THOC2: variants seen among roughly 807,000 people sequenced by gnomAD.
THOC2 encodes THO complex 2.
A neutral mutation model predicts 128.4 loss-of-function variants in THOC2; 10 were observed. The ratio of observed to expected loss-of-function variants is 0.08; its 90% confidence interval spans 0.05 to 0.13. The LOEUF is 0.13. Among genes scored for constraint, THOC2 ranks in the 10% least tolerant of loss-of-function variants. The pLI is 1.00. For missense variants in THOC2, 535 were observed against 1,155.7 expected, an observed-to-expected ratio of 0.46 and a Z score of 7.79; for synonymous variants, 393 against 396.9, an observed-to-expected ratio of 0.99 and a Z score of 0.12.
rs774877149 is a variant in THOC2, at chrX:123,703,890, TAAAAAA to T, written c.223-391_223-386del. On this transcript the variant is annotated intron_variant, in intron 3 of 38. Coordinates refer to ENST00000245838, the MANE Select transcript of THOC2 (RefSeq NM_001081550.2). ...TGGGCAACAGAGGAAACTCTGTCTT[TAAAAAA>T]AAAAAAAAAAAAAAAAATTGATTTC... Among the ~76,000 whole-genome samples the T allele has an allele frequency of 1.9e-4, 7 of 37,031 alleles. 1 individual carries two copies. The highest frequency in any genetic ancestry group is 1.6e-4 in the Non-Finnish European group (4 of 24,312). The allele number at this position is 37,031 out of a possible 115,157, so 32.2% of individuals were successfully genotyped here.
chrX:123,699,047 A>G (rs2050576887), intron 4 of THOC2, among the ~76,000 whole-genome samples: 1 of 111,764 alleles, frequency 8.9e-6, no homozygotes, highest in South Asian at 3.7e-4. Flanking sequence ...AAAAAAAACA[A>G]TTAGTGCCAA....
At chrX:123,679,756 A>G (rs1186981119) in intron 8 of THOC2, among the ~76,000 whole-genome samples, 1 of 112,119 alleles carries the variant, frequency 8.9e-6, no homozygotes, top group Non-Finnish European at 1.9e-5. Flanking sequence ...CTGCCTTGAG[A>G]TGCTGTTAAT....
chrX:123,619,474 T>C, intron 32 of THOC2, 38 bp from the exon 33 acceptor site: 1 of 1,206,336 alleles, frequency 8.3e-7, no homozygotes, highest in East Asian at 3.0e-5. Flanking sequence ...TGAGCTGGCA[T>C]AGTTCTCAGA....
intron 38 of THOC2, among the ~76,000 whole-genome samples, chrX:123,604,964 G>A (rs1484177347): frequency 8.9e-6 from 1 of 111,905 alleles, no homozygotes; most frequent in Admixed American, 9.5e-5. Context: ...CATTTAAAAA[G>A]TCAAACAAAT....
chrX:123,626,854 C>T (rs912484445), intron 23 of THOC2, among the ~76,000 whole-genome samples, 192 bp from the exon 24 acceptor site: 12 of 111,945 alleles, frequency 1.1e-4, no homozygotes, highest in African/African-American at 3.6e-4. Context: ...CATACACCAT[C>T]AGAACAGGCT....
intron 12 of THOC2, among the ~76,000 whole-genome samples, chrX:123,662,152 C>T (rs1333777914): frequency 8.9e-6 from 1 of 112,132 alleles, no homozygotes; most frequent in East Asian, 2.8e-4. Context: ...AGACACCCTG[C>T]ATTTGTCCTT....
At chrX:123,601,515 GGAA>G (rs1292039943) in intron 38 of THOC2, 177 bp from the exon 39 acceptor site, 4 of 107,449 alleles carry the variant, frequency 3.7e-5, no homozygotes, top group East Asian at 5.8e-4. Context: ...GGAGAAGAAA[GGAA>G]GAAGAAGAGA....
At chrX:123,679,964 T>C (rs1375156656) in intron 8 of THOC2, among the ~76,000 whole-genome samples, 1 of 112,327 alleles carries the variant, frequency 8.9e-6, no homozygotes, top group Non-Finnish European at 1.9e-5. Context: ...TGCGGAAGGC[T>C]GCAGGGACCC....
intron 12 of THOC2, among the ~76,000 whole-genome samples, chrX:123,653,864 A>T (rs1326977692): frequency 8.9e-6 from 1 of 111,977 alleles, no homozygotes; most frequent in Non-Finnish European, 1.9e-5. Flanking sequence ...TCAAGGATCT[A>T]GAACTAAAAA....
At position 123,614,066 on chromosome X, in the gene THOC2, T is replaced by G; in HGVS notation, c.4435A>C (p.Lys1479Gln). 8.3e-7 allele frequency: 1 copy of G among 1,205,026 alleles called. No individual in the cohort carries two copies. The highest frequency in any genetic ancestry group is 1.1e-6 in the Non-Finnish European group (1 of 893,790). ...EREKKDEKDRKERKRDHSNND... is the reference protein window; with the variant it reads ...EREKKDEKDRQERKRDHSNND... ...ATTTTACAAACCCTTTTCCGCTCTT[T>G]CCTGTCCTTTTCATCTTTTTTCTCT... is the stretch of plus-strand genomic sequence containing the variant. The change falls in exon 34 of 39, where the codon AAA (lysine) becomes CAA (glutamine). Residue 1479 changes from lysine (K) to glutamine (Q), a missense_variant. This residue lies in a region of THOC2 where 39 missense variants were observed against 93.1 expected (regional missense o/e 0.42). Coordinates refer to ENST00000245838, the MANE Select transcript of THOC2 (RefSeq NM_001081550.2).
intron 36 of THOC2, 145 bp downstream of exon 36, chrX:123,613,254 A>C: frequency 1.8e-6 from 1 of 546,028 alleles, no homozygotes; most frequent in Non-Finnish European, 2.9e-6. Context: ...CCCAAACGGA[A>C]TGCCCTCCCT....
At chrX:123,633,810 G>T in intron 20 of THOC2, 143 bp downstream of exon 20, 1 of 379,069 alleles carries the variant, frequency 2.6e-6, no homozygotes. Flanking sequence ...ATTTCAAAAG[G>T]GGGGCAGGGG....
rs1180694558 is a variant in THOC2, at chrX:123,628,107, A to G, written c.2482-139T>C. ...ATCTCAAAACTGTTGTAGAAATTCT[A>G]GTTTCTTATGAACAACGTTTATTTT... On this transcript the variant is annotated intron_variant, in intron 22 of 38. Coordinates refer to ENST00000245838, the MANE Select transcript of THOC2 (RefSeq NM_001081550.2). 7 of 516,410 alleles carry G rather than the reference A, an allele frequency of 1.4e-5. No homozygotes were observed. In the Admixed American group the frequency reaches 2.8e-4, roughly 20 times the overall value. The allele number at this position is 516,410 out of a possible 1,213,427, so 42.6% of individuals were successfully genotyped here. A position where few individuals can be genotyped will look rare whatever the true frequency, so the allele number is the denominator to read the frequency against.
chrX:123,653,443 C>T (rs2048441963), intron 12 of THOC2, among the ~76,000 whole-genome samples: 1 of 111,380 alleles, frequency 9.0e-6, no homozygotes, highest in South Asian at 3.7e-4. Context: ...TTAAACTATT[C>T]TGCACAGCAA....
chrX:123,700,359 G>A (rs1284504835), intron 4 of THOC2, among the ~76,000 whole-genome samples: 2 of 107,501 alleles, frequency 1.9e-5, no homozygotes, highest in Non-Finnish European at 3.8e-5. Flanking sequence ...AAATTAGCTA[G>A]GCGTGCTGGC....
intron 12 of THOC2, among the ~76,000 whole-genome samples, chrX:123,652,219 G>T (rs1348541685): frequency 1.8e-5 from 2 of 111,452 alleles, no homozygotes; most frequent in African/African-American, 6.5e-5. Context: ...AGGCCTTCGA[G>T]AAAATTCAAC....
At chrX:123,614,614 T>C (rs1324937090) in intron 33 of THOC2, among the ~76,000 whole-genome samples, 1 of 110,877 alleles carries the variant, frequency 9.0e-6, no homozygotes, top group Non-Finnish European at 1.9e-5. Context: ...CATCCACCGA[T>C]AGGCAGTCAA....
chrX:123,613,036 G>A (rs1221349508), intron 36 of THOC2, among the ~76,000 whole-genome samples: 11 of 111,720 alleles, frequency 9.8e-5, no homozygotes, highest in African/African-American at 2.9e-4. Flanking sequence ...TGCTATGATG[G>A]TCAGAGAGAA....
At chrX:123,634,630 C>A (rs1410822139) in intron 19 of THOC2, among the ~76,000 whole-genome samples, 1 of 111,747 alleles carries the variant, frequency 8.9e-6, no homozygotes, top group African/African-American at 3.2e-5. Flanking sequence ...CAATAAAGTC[C>A]TTCATAGCAT....
Sources: gnomAD v4.1 joint callset for allele counts (sites outside exome capture counted in the v4.1 genomes callset) on GRCh38, gnomAD v4.1.1 for gene constraint, gnomAD v4.1.1 regional missense constraint, MANE v1.5 for transcripts, NCBI Gene and HGNC (gene_info 2026-07-23, HGNC 2026-07-21) for gene names.